CLRN1: variants seen among roughly 807,000 people sequenced by gnomAD.
CLRN1 encodes the protein clarin 1, also known as clarin-1.
Under a neutral mutation model 18.7 loss-of-function variants are expected in CLRN1, and 15 were observed. The ratio of observed to expected loss-of-function variants is 0.80; its 90% CI spans 0.54 to 1.23. The LOEUF is 1.23. Ranked by LOEUF, CLRN1 falls within the 50% of genes most tolerant of loss-of-function variation. The probability of loss-of-function intolerance (pLI) is 0.00; values close to 1 mark genes in which losing one functional copy is unlikely to be tolerated. For missense variants in CLRN1, 311 were observed against 277.5 expected (o/e 1.12, Z -0.86); for synonymous variants, 104 against 102.9 (o/e 1.01, Z -0.07).
chr3:150,933,823 A>T lies in CLRN1; in HGVS notation c.434-5622T>A, dbSNP rs566260943. Reference sequence around the variant, plus strand: ...TGAATGACCTGGAATGTGATTCCTCACAACACTGCCCCTTTAGCCACTGCC... The same window carrying T: ...TGAATGACCTGGAATGTGATTCCTCTCAACACTGCCCCTTTAGCCACTGCC... On this transcript the variant is annotated intron_variant, in intron 2 of 2. Transcript: ENST00000327047. Among the ~76,000 whole-genome samples the T allele has an allele frequency of 1.2e-4, 18 of 152,328 alleles. No individual in the cohort carries two copies. The South Asian group carries it at 3.1e-3, about 26-fold the overall frequency.
At chr3:150,930,253 TG>T (rs1490393303) in intron 2 of CLRN1, among the ~76,000 whole-genome samples, 2 of 151,978 alleles carry the variant, frequency 1.3e-5, no homozygotes, top group African/African-American at 4.8e-5. Context: ...GGCTGGACTG[TG>T]GGGGGAGAGT....
chr3:150,951,887 C>T (rs1559987595), intron 1 of CLRN1, among the ~76,000 whole-genome samples: 1 of 152,152 alleles, frequency 6.6e-6, no homozygotes, highest in Non-Finnish European at 1.5e-5. Flanking sequence ...CCGTGCTAAA[C>T]CATTCATAAG....
rs1713764630 is a variant in CLRN1, at chr3:150,940,656, A to G, written c.433+926T>C. The G allele has an allele frequency of 7.8e-6, 6 of 767,462 alleles. No homozygotes were observed. In the Admixed American group the frequency reaches 1.6e-4, roughly 20 times the overall value. The allele number at this position is 767,462 out of a possible 1,614,324, so 47.5% of individuals were successfully genotyped here. A position where few individuals can be genotyped will look rare whatever the true frequency, so the allele number is the denominator to read the frequency against. The stretch of plus-strand genomic sequence containing the variant: ...TCCCAGGAATCTGACAAAGTGTTGG[A>G]TCTTTTTGCAAAGTTAGAATGGGGT... On this transcript the variant is annotated intron_variant, in intron 2 of 2. Transcript: ENST00000327047.
chr3:150,935,706 T>C (rs1713440905), intron 2 of CLRN1, among the ~76,000 whole-genome samples: 1 of 151,740 alleles, frequency 6.6e-6, no homozygotes, highest in Non-Finnish European at 1.5e-5. Context: ...TCTAGATCCC[T>C]GAGGAATCGC....
At chr3:150,947,971 C>T (rs1714263153) in intron 1 of CLRN1, among the ~76,000 whole-genome samples, 1 of 152,156 alleles carries the variant, frequency 6.6e-6, no homozygotes, top group Admixed American at 6.5e-5. Flanking sequence ...AACAAACTAA[C>T]ATCAGAACTG....
intron 1 of CLRN1, among the ~76,000 whole-genome samples, chr3:150,946,516 A>G (rs1333488406): frequency 1.3e-4 from 20 of 150,532 alleles, no homozygotes; most frequent in Non-Finnish European, 4.4e-5. Context: ...TTTTTTTTTT[A>G]CTTTTCTGCA....
intron 1 of CLRN1, among the ~76,000 whole-genome samples, chr3:150,957,766 C>A (rs1355615066): frequency 1.3e-5 from 2 of 152,226 alleles, no homozygotes; most frequent in Non-Finnish European, 2.9e-5. Flanking sequence ...TCAAGCAATT[C>A]TCCTGCCTCA....
chr3:150,932,177 C>A (rs764856810), intron 2 of CLRN1, among the ~76,000 whole-genome samples: 4 of 152,276 alleles, frequency 2.6e-5, no homozygotes, highest in Non-Finnish European at 4.4e-5. Context: ...GTGCTAGACA[C>A]TGCACATTCA....
In CLRN1 at chr3:150,941,593, C is replaced by G; in HGVS notation, c.422G>C (p.Ser141Thr). 6.2e-7 allele frequency: 1 copy of G among 1,613,936 alleles called. No individual in the cohort carries two copies. Among genetic ancestry groups the G allele is most frequent in the Non-Finnish European group, 8.5e-7 (1 of 1,179,898 alleles). ...AATTTTGTACTTACCTGAAATGAAG[C>G]TCAAAAGGTACAGCCCTAGGGGACC... ...LHGPLGLYLL[S>T]FISGSCGCLV... Residue 141 changes from serine (S) to threonine (T), a missense_variant, in exon 2 of 3, where the codon AGC (serine) becomes ACC (threonine). Ser to Thr is a moderately conservative substitution (Grantham distance 58). Transcript: ENST00000327047.
At chr3:150,962,022 A>C (rs148862290) in intron 1 of CLRN1, among the ~76,000 whole-genome samples, 1 of 152,258 alleles carries the variant, frequency 6.6e-6, no homozygotes, top group African/African-American at 2.4e-5. Flanking sequence ...AAGTGTATCC[A>C]CCTCACTCAA....
chr3:150,956,509 GAA>G (rs1488505316), intron 1 of CLRN1, among the ~76,000 whole-genome samples: 2 of 152,134 alleles, frequency 1.3e-5, no homozygotes, highest in African/African-American at 4.8e-5. Context: ...ACAGGAGAGA[GAA>G]AGCGAAAAAG....
In CLRN1 at chr3:150,927,923, A is replaced by G. The variant is rs1288833202; in HGVS notation, c.*13T>C. The G allele has an allele frequency of 1.1e-5, 17 of 1,614,024 alleles. No homozygotes were observed. Among genetic ancestry groups the G allele is most frequent in the Non-Finnish European group, 1.4e-5 (17 of 1,179,992 alleles). ...AGTCTACTCCCTTGTAAAATTATAG[A>G]AAGGTTTGCCTTTCAGTACATTAGA... is the stretch of plus-strand genomic sequence containing the variant. On this transcript the variant is annotated 3_prime_UTR_variant, in exon 3 of 3. Coordinates refer to ENST00000327047, the MANE Select transcript of CLRN1 (RefSeq NM_174878.3).
chr3:150,945,301 G>A (rs1269694618), intron 1 of CLRN1, among the ~76,000 whole-genome samples: 1 of 152,226 alleles, frequency 6.6e-6, no homozygotes, highest in Non-Finnish European at 1.5e-5. Flanking sequence ...TGGGAAAAGA[G>A]TGATTTGTGA....
At chr3:150,969,735 A>G (rs1217250259) in intron 1 of CLRN1, among the ~76,000 whole-genome samples, 2 of 152,086 alleles carry the variant, frequency 1.3e-5, no homozygotes, top group African/African-American at 4.8e-5. Context: ...CTATTAATTG[A>G]TAATAACATG....
chr3:150,940,151 A>G (rs550142866), intron 2 of CLRN1, among the ~76,000 whole-genome samples: 2 of 152,350 alleles, frequency 1.3e-5, no homozygotes, highest in South Asian at 2.1e-4. Flanking sequence ...TAGAGATACA[A>G]AGATGTAAAA....
chr3:150,937,494 G>A (rs1345346844), intron 2 of CLRN1, among the ~76,000 whole-genome samples: 1 of 152,194 alleles, frequency 6.6e-6, no homozygotes, highest in African/African-American at 2.4e-5. Context: ...AATTAGTGTT[G>A]TGTGAGACCT....
chr3:150,969,311 A>ATTTTTTTT (rs1715416631), intron 1 of CLRN1, among the ~76,000 whole-genome samples: 1 of 59,862 alleles, frequency 1.7e-5, no homozygotes, highest in African/African-American at 7.4e-5. Flanking sequence ...ATATATATAT[A>ATTTTTTTT]TATTTTTTTT....
intron 1 of CLRN1, among the ~76,000 whole-genome samples, chr3:150,965,027 T>G (rs934845508): frequency 1.3e-5 from 2 of 152,182 alleles, no homozygotes; most frequent in Non-Finnish European, 2.9e-5. Context: ...TCTGCACATG[T>G]ATTTCAGAAT....
chr3:150,963,121 A>T (rs1421854896), intron 1 of CLRN1, among the ~76,000 whole-genome samples: 1 of 152,198 alleles, frequency 6.6e-6, no homozygotes. Flanking sequence ...AGGAAGTCAA[A>T]TTGTCTCTGT....
Sources: gnomAD v4.1 joint callset for allele counts (sites outside exome capture counted in the v4.1 genomes callset) on GRCh38, gnomAD v4.1.1 for gene constraint, MANE v1.5 for transcripts, NCBI Gene and HGNC (gene_info 2026-07-23, HGNC 2026-07-21) for gene names.